Variants in SLC4A10 observed in about 807,000 individuals in gnomAD.
The protein encoded by SLC4A10 is sodium-driven chloride bicarbonate exchanger.
A neutral mutation model predicts 137.7 loss-of-function variants in SLC4A10; 42 were observed. The ratio of observed to expected loss-of-function variants is 0.30; its 90% confidence interval spans 0.24 to 0.39. The LOEUF (loss-of-function observed/expected upper bound fraction) is 0.39. Ranked by LOEUF, SLC4A10 falls within the 10% of genes least tolerant of loss-of-function variation. The probability of loss-of-function intolerance (pLI) is 1.00; values close to 1 mark genes in which losing one functional copy is unlikely to be tolerated. For missense variants in SLC4A10, 925 were observed against 1,355.0 expected (o/e 0.68, Z 4.98); for synonymous variants, 474 against 464.1 (o/e 1.02, Z -0.27).
intron 1 of SLC4A10, among the ~76,000 whole-genome samples, chr2:161,660,627 C>CTTG (rs1574175827): frequency 1.7e-5 from 1 of 59,354 alleles, no homozygotes; most frequent in African/African-American, 6.8e-5. Flanking sequence ...TTTCTTTCTT[C>CTTG]CTTTCCTTCT....
At chr2:161,906,558 C>T (rs1293537735) in intron 15 of SLC4A10, among the ~76,000 whole-genome samples, 7 of 151,956 alleles carry the variant, frequency 4.6e-5, no homozygotes, top group Admixed American at 3.9e-4. Flanking sequence ...TTAAATGACC[C>T]CATTATTTAA....
In SLC4A10 at chr2:161,949,219, T is replaced by G. The variant is rs997634997; in HGVS notation, c.2337T>G (p.Ile779Met). The G allele has an allele frequency of 8.1e-6, 13 of 1,611,694 alleles. No individual in the cohort carries two copies. The highest frequency in any genetic ancestry group is 1.0e-5 in the Non-Finnish European group (12 of 1,178,432). Reference sequence around the variant, plus strand: ...GTATGGTTTTAATTGACTATGCCATTGGGATCCCATCTCCAAAACTACAAG... The same window carrying G: ...GTATGGTTTTAATTGACTATGCCATGGGGATCCCATCTCCAAAACTACAAG... The part of the protein sequence containing the change: ...ILCMVLIDYA[I>M]GIPSPKLQVP... Residue 779 changes from isoleucine (I) to methionine (M), a missense_variant, in exon 18 of 27, where the codon ATT (isoleucine) becomes ATG (methionine). By Grantham distance (10) the Ile-to-Met change is conservative. Around this residue, in one of 11 missense-constraint regions of SLC4A10, gnomAD observed 82 missense variants for 151.4 expected, o/e 0.54. Transcript: ENST00000446997.
chr2:161,844,844 A>G (rs1376684612), intron 4 of SLC4A10, among the ~76,000 whole-genome samples: 1 of 152,150 alleles, frequency 6.6e-6, no homozygotes, highest in African/African-American at 2.4e-5. Flanking sequence ...CTAATCTTGG[A>G]TGAAAACAGA....
intron 6 of SLC4A10, among the ~76,000 whole-genome samples, chr2:161,868,602 C>T (rs756147263): frequency 6.6e-6 from 1 of 151,276 alleles, no homozygotes; most frequent in African/African-American, 2.4e-5. Flanking sequence ...CAAACAGGTG[C>T]TAATATGAAT....
At chr2:161,819,458 C>T (rs1458286353) in intron 3 of SLC4A10, among the ~76,000 whole-genome samples, 1 of 151,916 alleles carries the variant, frequency 6.6e-6, no homozygotes, top group South Asian at 2.1e-4. Context: ...ATTCTCCTTC[C>T]TATTGCAATC....
chr2:161,699,309 C>T (rs201295621), intron 1 of SLC4A10, among the ~76,000 whole-genome samples: 3 of 152,248 alleles, frequency 2.0e-5, no homozygotes, highest in African/African-American at 7.2e-5. Context: ...CGTGAGCCAC[C>T]GCACCCGGCC....
intron 2 of SLC4A10, among the ~76,000 whole-genome samples, chr2:161,792,070 G>A (rs1311141993): frequency 6.6e-6 from 1 of 151,928 alleles, no homozygotes; most frequent in African/African-American, 2.4e-5. Flanking sequence ...ACTAAACTCT[G>A]TTTAGTATGA....
intron 15 of SLC4A10, among the ~76,000 whole-genome samples, chr2:161,920,009 G>A (rs1329318195): frequency 6.6e-6 from 1 of 152,214 alleles, no homozygotes; most frequent in African/African-American, 2.4e-5. Flanking sequence ...CTTGCACAGA[G>A]CTGGTTCCTG....
At chr2:161,730,625 T>C (rs1278028652) in intron 1 of SLC4A10, among the ~76,000 whole-genome samples, 1 of 152,212 alleles carries the variant, frequency 6.6e-6, no homozygotes, top group Non-Finnish European at 1.5e-5. Context: ...CCTGAATTTG[T>C]TCAAACAAAG....
At chr2:161,716,928 G>A (rs1194321481) in intron 1 of SLC4A10, among the ~76,000 whole-genome samples, 1 of 152,106 alleles carries the variant, frequency 6.6e-6, no homozygotes, top group Non-Finnish European at 1.5e-5. Flanking sequence ...TCTTATCCAT[G>A]AGTGTGGATT....
chr2:161,719,493 G>A (rs1006367018), intron 1 of SLC4A10, among the ~76,000 whole-genome samples: 46 of 152,212 alleles, frequency 3.0e-4, no homozygotes, highest in Non-Finnish European at 5.1e-4. Context: ...TTCCACAATG[G>A]TTGAACTAGT....
At chr2:161,942,734 T>G in intron 15 of SLC4A10, 58 bp from the exon 16 acceptor site, 1 of 1,333,440 alleles carries the variant, frequency 7.5e-7, no homozygotes, top group Admixed American at 2.0e-5. Flanking sequence ...TACATTAGTC[T>G]TCGGTACAGT....
At chr2:161,808,004 C>G (rs534555314) in intron 3 of SLC4A10, among the ~76,000 whole-genome samples, 4 of 152,070 alleles carry the variant, frequency 2.6e-5, no homozygotes, top group Admixed American at 6.6e-5. Context: ...TATTGTTGCT[C>G]TACAGTTAAT....
chr2:161,753,305 T>C (rs1188493230), intron 1 of SLC4A10, among the ~76,000 whole-genome samples: 2 of 152,182 alleles, frequency 1.3e-5, no homozygotes, highest in South Asian at 2.1e-4. Flanking sequence ...TAAGCTAAAC[T>C]TTTTTCTGTG....
chr2:161,788,860 G>C (rs1182712104), intron 2 of SLC4A10, among the ~76,000 whole-genome samples: 1 of 152,148 alleles, frequency 6.6e-6, no homozygotes, highest in East Asian at 1.9e-4. Context: ...AAGAGTGCTG[G>C]AAAGGCTGTC....
chr2:161,624,923 G>T (rs761612705), intron 1 of SLC4A10, among the ~76,000 whole-genome samples: 1 of 152,228 alleles, frequency 6.6e-6, no homozygotes, highest in South Asian at 2.1e-4. Context: ...AGCCCTTGCA[G>T]AGAAGCCCCC....
chr2:161,877,166 A>C (rs2061492688), intron 8 of SLC4A10, among the ~76,000 whole-genome samples: 1 of 152,124 alleles, frequency 6.6e-6, no homozygotes, highest in Admixed American at 6.6e-5. Context: ...TATAATCACC[A>C]GTTGCCCGAG....
At chr2:161,903,966 A>G in intron 12 of SLC4A10, 38 bp from the exon 13 acceptor site, 3 of 1,517,212 alleles carry the variant, frequency 2.0e-6, no homozygotes, top group East Asian at 2.4e-5. Flanking sequence ...TGTTTTTTAT[A>G]TTTGGGTTTC....
At chr2:161,784,675 A>G (rs1020265783) in intron 2 of SLC4A10, among the ~76,000 whole-genome samples, 3 of 151,892 alleles carry the variant, frequency 2.0e-5, no homozygotes, top group Non-Finnish European at 4.4e-5. Flanking sequence ...AATTCAAAAG[A>G]GACATTAGAA....
Sources: gnomAD v4.1 joint callset for allele counts (sites outside exome capture counted in the v4.1 genomes callset) on GRCh38, gnomAD v4.1.1 for gene constraint, gnomAD v4.1.1 regional missense constraint, MANE v1.5 for transcripts, NCBI Gene and HGNC (gene_info 2026-07-23, HGNC 2026-07-21) for gene names.